MEI4: variants seen among roughly 807,000 people sequenced by gnomAD.
MEI4 encodes meiosis-specific protein MEI4.
A neutral mutation model predicts 31.4 loss-of-function variants in MEI4; 27 were observed. That is an observed-to-expected ratio of 0.86 (90% CI 0.63 to 1.19). The LOEUF is 1.19. Among genes scored for constraint, MEI4 ranks in the 50% most tolerant of loss-of-function variants. The pLI is 0.00. For missense variants in MEI4, 329 were observed against 398.9 expected (o/e 0.82, Z 1.49); for synonymous variants, 122 against 145.4 (o/e 0.84, Z 1.16).
chr6:77,765,169 G>A (rs1014904084), intron 3 of MEI4, among the ~76,000 whole-genome samples: 5 of 152,082 alleles, frequency 3.3e-5, no homozygotes, highest in Non-Finnish European at 5.9e-5. Flanking sequence ...ACTTCATCGG[G>A]CTAAATACTA....
At chr6:77,704,884 C>T (rs941070152) in intron 2 of MEI4, among the ~76,000 whole-genome samples, 1 of 152,064 alleles carries the variant, frequency 6.6e-6, no homozygotes, top group Admixed American at 6.6e-5. Flanking sequence ...TGAAAGATTT[C>T]TCAGTACCAA....
At chr6:77,694,983 T>C (rs1765979107) in intron 2 of MEI4, among the ~76,000 whole-genome samples, 3 of 151,854 alleles carry the variant, frequency 2.0e-5, no homozygotes, top group Non-Finnish European at 4.4e-5. Context: ...TATCTCATTG[T>C]GGTTTTGATT....
At chr6:77,872,604 AG>A (rs1364506940) in intron 4 of MEI4, among the ~76,000 whole-genome samples, 5 of 151,070 alleles carry the variant, frequency 3.3e-5, no homozygotes, top group African/African-American at 1.2e-4. Flanking sequence ...TTATACTTTA[AG>A]TTTTAGGGTA....
In MEI4 at chr6:77,847,720, G is replaced by A. The variant is rs543683971; in HGVS notation, c.900+18658G>A. ...TTAATGGAACCAATTATAATCCAGTGTTATTTACATGTCTGTTTTTTGTAT... is the reference window on the plus strand; with the variant it reads ...TTAATGGAACCAATTATAATCCAGTATTATTTACATGTCTGTTTTTTGTAT... On this transcript the variant is annotated intron_variant, in intron 4 of 4. Transcript: ENST00000684080. The surrounding 1 kb of genome is among the most constrained non-coding windows in gnomAD (Gnocchi z 4.6). 6.6e-6 allele frequency among the ~76,000 whole-genome samples: 1 copy of A among 152,164 alleles called. No individual in the cohort carries two copies. Among genetic ancestry groups the A allele is most frequent in the African/African-American group, 2.4e-5 (1 of 41,516 alleles).
At chr6:77,751,308 C>T (rs1027384746) in intron 2 of MEI4, among the ~76,000 whole-genome samples, 34 of 151,772 alleles carry the variant, frequency 2.2e-4, no homozygotes, top group Non-Finnish European at 4.6e-4. Context: ...AAAAAAAACC[C>T]TTGAAAAAAC....
At chr6:77,671,109 G>T (rs1256608018) in intron 1 of MEI4, among the ~76,000 whole-genome samples, 3 of 146,256 alleles carry the variant, frequency 2.1e-5, no homozygotes, top group Non-Finnish European at 3.0e-5. Context: ...CCAGGCTGGA[G>T]TGCAGTGGCG....
intron 2 of MEI4, among the ~76,000 whole-genome samples, chr6:77,714,372 A>G (rs11758560): frequency 0.14 from 20,966 of 152,208 alleles, 1,532 homozygotes; most frequent in Middle Eastern, 0.21. Context: ...CTGAAACAAT[A>G]CTATCTCATT....
In MEI4 at chr6:77,747,569, C is replaced by G. The variant is rs1359827906; in HGVS notation, c.233-13561C>G. Among the ~76,000 whole-genome samples, 3 of 152,038 alleles carry G rather than the reference C, an allele frequency of 2.0e-5. No individual in the cohort carries two copies. In the East Asian group the frequency reaches 5.8e-4, roughly 29 times the overall value. ...TGAGAACAGCTTAGGGGAAACCACC[C>G]CTATGATCCAGTCATCTTCTGCCAG... On this transcript the variant is annotated intron_variant, in intron 2 of 4. Transcript: ENST00000684080.
intron 3 of MEI4, among the ~76,000 whole-genome samples, chr6:77,790,183 C>G (rs959214173): frequency 6.8e-6 from 1 of 146,008 alleles, no homozygotes; most frequent in African/African-American, 2.5e-5. Context: ...TGTTCTCACT[C>G]ACAGGTGGGA....
chr6:77,861,095 AT>A (rs1770853548), intron 4 of MEI4, among the ~76,000 whole-genome samples: 2 of 152,148 alleles, frequency 1.3e-5, no homozygotes, highest in Non-Finnish European at 2.9e-5. Flanking sequence ...ATCTGAATTG[AT>A]CCTTCCCATC....
chr6:77,800,113 C>A (rs1769206123), intron 3 of MEI4, among the ~76,000 whole-genome samples: 4 of 152,118 alleles, frequency 2.6e-5, no homozygotes, highest in Admixed American at 2.6e-4. Flanking sequence ...GATATTGATT[C>A]TTCCTACCCA....
intron 2 of MEI4, among the ~76,000 whole-genome samples, chr6:77,739,068 C>T (rs893472640): frequency 2.6e-5 from 4 of 151,946 alleles, no homozygotes; most frequent in African/African-American, 9.7e-5. Context: ...CTTTTGCTGT[C>T]CAGCTCTTTA....
chr6:77,879,223 AGT>A (rs1158461749), intron 4 of MEI4, among the ~76,000 whole-genome samples: 1 of 152,198 alleles, frequency 6.6e-6, no homozygotes, highest in African/African-American at 2.4e-5. Context: ...AAAATATGAC[AGT>A]GTTTTCTGTT....
intron 4 of MEI4, among the ~76,000 whole-genome samples, chr6:77,873,288 C>G (rs539842407): frequency 6.6e-6 from 1 of 152,092 alleles, no homozygotes; most frequent in Non-Finnish European, 1.5e-5. Flanking sequence ...TTTTAATGAT[C>G]GCCATTCTAA....
chr6:77,924,687 G>A lies in MEI4; in HGVS notation c.*1341G>A, dbSNP rs371891955. On this transcript the variant is annotated 3_prime_UTR_variant, in exon 5 of 5. Coordinates refer to ENST00000684080, the MANE Select transcript of MEI4 (RefSeq NM_001322247.2). ...TGAGAACCAGACTTGGGGGATAGTA[G>A]CTTCTCAGTGGAAGCTCCTCTCATG... 2 of 151,908 alleles carry A rather than the reference G, an allele frequency of 1.3e-5. No individual in the cohort carries two copies. The highest frequency in any genetic ancestry group is 2.1e-4 in the South Asian group (1 of 4,820). The allele number at this position is 151,908 out of a possible 1,614,324, so 9.4% of individuals were successfully genotyped here. A position where few individuals can be genotyped will look rare whatever the true frequency, so the allele number is the denominator to read the frequency against.
chr6:77,845,884 GTTTT>G (rs11294532), intron 4 of MEI4, among the ~76,000 whole-genome samples: 4 of 143,422 alleles, frequency 2.8e-5, no homozygotes, highest in Non-Finnish European at 6.1e-5. Flanking sequence ...CAGAAGTCTT[GTTTT>G]TTTTTTTTTT....
intron 2 of MEI4, among the ~76,000 whole-genome samples, chr6:77,714,113 A>G (rs1003980733): frequency 6.6e-6 from 1 of 151,802 alleles, no homozygotes; most frequent in Non-Finnish European, 1.5e-5. Flanking sequence ...TATGTACCAC[A>G]TTTTCTTTAT....
At chr6:77,711,358 A>C (rs1317235412) in intron 2 of MEI4, among the ~76,000 whole-genome samples, 1 of 152,184 alleles carries the variant, frequency 6.6e-6, no homozygotes, top group African/African-American at 2.4e-5. Flanking sequence ...GTGTGTATAT[A>C]TATGTATATA....
intron 1 of MEI4, among the ~76,000 whole-genome samples, chr6:77,675,329 T>C (rs1768823905): frequency 6.6e-6 from 1 of 152,160 alleles, no homozygotes; most frequent in African/African-American, 2.4e-5. Flanking sequence ...GGCTTACCTC[T>C]TTACTTTTTC....
Sources: gnomAD v4.1 joint callset for allele counts (sites outside exome capture counted in the v4.1 genomes callset) on GRCh38, gnomAD v4.1.1 for gene constraint, Gnocchi (gnomAD v3.1) non-coding constraint, MANE v1.5 for transcripts, NCBI Gene and HGNC (gene_info 2026-07-23, HGNC 2026-07-21) for gene names.